ADGRL3: variants seen among roughly 807,000 people sequenced by gnomAD.
ADGRL3 encodes calcium-independent alpha-latrotoxin receptor 3.
In ADGRL3, 62 loss-of-function variants were observed where a neutral mutation model predicts 153.5. The observed-to-expected ratio is 0.40, with a 90% CI of 0.33 to 0.50. The LOEUF (loss-of-function observed/expected upper bound fraction) is 0.50, where lower values mean the gene tolerates loss of function less well. ADGRL3 is among the 20% of genes least tolerant of loss of function. The probability of loss-of-function intolerance (pLI) is 0.47; values close to 1 mark genes in which losing one functional copy is unlikely to be tolerated. For missense variants in ADGRL3, 1,641 were observed against 1,859.4 expected (o/e 0.88, Z 2.16); for synonymous variants, 710 against 672.5 (o/e 1.06, Z -0.86).
intron 5 of ADGRL3, among the ~76,000 whole-genome samples, chr4:61,632,791 C>T (rs993483844): frequency 3.3e-5 from 5 of 152,078 alleles, no homozygotes; most frequent in Admixed American, 6.5e-5. Context: ...AATGACCTTT[C>T]TGGGTTTCCA....
chr4:61,500,971 C>G (rs1432569904), intron 3 of ADGRL3, among the ~76,000 whole-genome samples: 1 of 152,154 alleles, frequency 6.6e-6, no homozygotes, highest in Non-Finnish European at 1.5e-5. Context: ...AAGGCCATTC[C>G]TCTTTACATA....
chr4:61,776,363 A>AT (rs1016157906), intron 8 of ADGRL3, among the ~76,000 whole-genome samples: 13 of 152,140 alleles, frequency 8.5e-5, no homozygotes, highest in African/African-American at 2.2e-4. Context: ...TCTTTATTTT[A>AT]TTTTTTTTAC....
intron 12 of ADGRL3, among the ~76,000 whole-genome samples, chr4:61,911,683 C>A (rs531989799): frequency 2.0e-5 from 3 of 152,266 alleles, no homozygotes; most frequent in Non-Finnish European, 2.9e-5. Flanking sequence ...TACTTGCACT[C>A]ATTCCTTACT....
chr4:61,697,311 A>C (rs1398006221), intron 6 of ADGRL3, among the ~76,000 whole-genome samples: 1 of 152,182 alleles, frequency 6.6e-6, no homozygotes, highest in East Asian at 1.9e-4. Context: ...CTGTAATCCC[A>C]GCACTTTGGG....
At chr4:62,031,416 C>A (rs200481745) in intron 22 of ADGRL3, 26 bp from the exon 23 acceptor site, 1 of 1,544,916 alleles carries the variant, frequency 6.5e-7, no homozygotes, top group Non-Finnish European at 8.8e-7. Flanking sequence ...TATTTAATAA[C>A]CCTTAATTTT....
chr4:61,948,861 C>T (rs930985421), intron 17 of ADGRL3, among the ~76,000 whole-genome samples: 3 of 152,000 alleles, frequency 2.0e-5, no homozygotes, highest in Admixed American at 6.6e-5. Flanking sequence ...GTGTGACTAG[C>T]TTTCATATGT....
intron 5 of ADGRL3, among the ~76,000 whole-genome samples, chr4:61,619,404 G>A (rs1009013914): frequency 6.6e-6 from 1 of 152,022 alleles, no homozygotes; most frequent in Admixed American, 6.6e-5. Context: ...TTCTTTGGAA[G>A]GAGATATTGA....
At chr4:62,038,061 G>C (rs1476757571) in intron 24 of ADGRL3, among the ~76,000 whole-genome samples, 1 of 152,092 alleles carries the variant, frequency 6.6e-6, no homozygotes, top group East Asian at 1.9e-4. Flanking sequence ...CAAATTTGAA[G>C]TTTGCATAAT....
At chr4:61,236,008 CTT>C (rs55932029) in intron 1 of ADGRL3, among the ~76,000 whole-genome samples, 3 of 95,852 alleles carry the variant, frequency 3.1e-5, no homozygotes, top group South Asian at 4.0e-4. Context: ...CTTTTCTTTT[CTT>C]TTTTTTTTTT....
intron 25 of ADGRL3, among the ~76,000 whole-genome samples, chr4:62,066,591 A>T (rs1286079337): frequency 6.6e-6 from 1 of 152,098 alleles, no homozygotes; most frequent in East Asian, 1.9e-4. Flanking sequence ...ATCACATTAT[A>T]CAAAAACCTG....
intron 25 of ADGRL3, among the ~76,000 whole-genome samples, chr4:62,050,814 C>T (rs1177707122): frequency 6.6e-6 from 1 of 151,754 alleles, no homozygotes; most frequent in African/African-American, 2.4e-5. Flanking sequence ...TTAACCAGCT[C>T]CTAATATAAT....
chr4:61,485,751 T>C (rs1321627948), intron 2 of ADGRL3, among the ~76,000 whole-genome samples: 2 of 152,204 alleles, frequency 1.3e-5, no homozygotes, highest in African/African-American at 4.8e-5. Context: ...ATTCTAGGCT[T>C]TATTTTTAAG....
rs1167827672 is a variant in ADGRL3, at chr4:61,711,458, T to TTATATATATATATATATA, written c.584-19147_584-19130dup. On this transcript the variant is annotated intron_variant, in intron 6 of 26. Coordinates refer to ENST00000683033, the MANE Select transcript of ADGRL3 (RefSeq NM_001387552.1). ...ATACTATCTTAAAACATATGCTTCA[T>TTATATATATATATATATA]TATATATATATATATATATATATAT... 9.7e-3 allele frequency among the ~76,000 whole-genome samples: 334 copies of TTATATATATATATATATA among 34,580 alleles called. 13 individuals are homozygous for TTATATATATATATATATA. Among genetic ancestry groups the TTATATATATATATATATA allele is most frequent in the Non-Finnish European group, 0.011 (210 of 19,652 alleles). The allele number at this position is 34,580 out of a possible 152,430, so 22.7% of individuals were successfully genotyped here. A position where few individuals can be genotyped will look rare whatever the true frequency, so the allele number is the denominator to read the frequency against.
intron 1 of ADGRL3, among the ~76,000 whole-genome samples, chr4:61,246,227 C>A (rs1312196093): frequency 6.6e-6 from 1 of 152,006 alleles, no homozygotes; most frequent in Non-Finnish European, 1.5e-5. Flanking sequence ...GCTTCTGGTT[C>A]TTTTCCCTCA....
chr4:61,884,754 A>G (rs1321304132), intron 9 of ADGRL3, among the ~76,000 whole-genome samples: 1 of 151,756 alleles, frequency 6.6e-6, no homozygotes, highest in East Asian at 2.0e-4. Flanking sequence ...CCTCTGGAGT[A>G]TCTGGGATTA....
At chr4:61,276,904 ACAGAT>A (rs2093487530) in intron 1 of ADGRL3, among the ~76,000 whole-genome samples, 1 of 152,158 alleles carries the variant, frequency 6.6e-6, no homozygotes, top group Non-Finnish European at 1.5e-5. Context: ...ATTAAACAGA[ACAGAT>A]ACTGTTGTGA....
At chr4:61,820,198 T>C (rs1213935364) in intron 9 of ADGRL3, among the ~76,000 whole-genome samples, 1 of 152,192 alleles carries the variant, frequency 6.6e-6, no homozygotes, top group Non-Finnish European at 1.5e-5. Context: ...TGTTGTACTC[T>C]CTGCAGTTGC....
chr4:61,209,097 G>A (rs1404348874), intron 1 of ADGRL3, among the ~76,000 whole-genome samples: 1 of 152,072 alleles, frequency 6.6e-6, no homozygotes, highest in Admixed American at 6.5e-5. Flanking sequence ...TATATTCTAT[G>A]GCTAATTTCT....
At chr4:61,513,046 G>A (rs532081024) in intron 3 of ADGRL3, among the ~76,000 whole-genome samples, 4 of 152,068 alleles carry the variant, frequency 2.6e-5, no homozygotes, top group Non-Finnish European at 5.9e-5. Context: ...TTAAAGCCCT[G>A]GTAACTCTGA....
Sources: gnomAD v4.1 joint callset for allele counts (sites outside exome capture counted in the v4.1 genomes callset) on GRCh38, gnomAD v4.1.1 for gene constraint, MANE v1.5 for transcripts, NCBI Gene and HGNC (gene_info 2026-07-23, HGNC 2026-07-21) for gene names.